ZNF804A: variants seen among roughly 807,000 people sequenced by gnomAD.
ZNF804A encodes zinc finger protein 804A.
Under a neutral mutation model 16.5 loss-of-function variants are expected in ZNF804A, and 2 were observed. The observed-to-expected ratio is 0.12, with a 90% CI of 0.05 to 0.38. The LOEUF (loss-of-function observed/expected upper bound fraction) is 0.38. ZNF804A is among the 10% of genes least tolerant of loss of function. ZNF804A has a pLI of 0.99. For missense variants in ZNF804A, 1,473 were observed against 1,390.7 expected (o/e 1.06, Z -0.94); for synonymous variants, 534 against 489.6 (o/e 1.09, Z -1.20).
intron 1 of ZNF804A, among the ~76,000 whole-genome samples, chr2:184,862,814 G>A (rs1695819850): frequency 6.6e-6 from 1 of 151,982 alleles, no homozygotes; most frequent in Admixed American, 6.6e-5. Context: ...ATTTTGTTTT[G>A]AACAACCTAT....
intron 1 of ZNF804A, among the ~76,000 whole-genome samples, chr2:184,643,846 T>A (rs916237682): frequency 6.6e-6 from 1 of 151,588 alleles, no homozygotes; most frequent in African/African-American, 2.4e-5. Flanking sequence ...AAAAAGGCAT[T>A]GGAAAACCGA....
chr2:184,904,564 T>G (rs1044818238), intron 2 of ZNF804A, among the ~76,000 whole-genome samples: 2 of 152,096 alleles, frequency 1.3e-5, no homozygotes, highest in African/African-American at 4.8e-5. Flanking sequence ...TCTACTTCTT[T>G]GGGTAAATGA....
chr2:184,855,139 A>G (rs1695667024), intron 1 of ZNF804A, among the ~76,000 whole-genome samples: 1 of 152,062 alleles, frequency 6.6e-6, no homozygotes, highest in South Asian at 2.1e-4. Flanking sequence ...GACTACAACC[A>G]ATAAGACAGC....
chr2:184,815,710 T>G (rs1037890847), intron 1 of ZNF804A, among the ~76,000 whole-genome samples: 1 of 151,986 alleles, frequency 6.6e-6, no homozygotes, highest in African/African-American at 2.4e-5. Flanking sequence ...TGGATAGAAT[T>G]CATAAGGGGT....
intron 1 of ZNF804A, among the ~76,000 whole-genome samples, chr2:184,657,918 A>G (rs1339299413): frequency 6.6e-6 from 1 of 152,234 alleles, no homozygotes; most frequent in African/African-American, 2.4e-5. Context: ...TAGGAAAGCA[A>G]TGGAACAACA....
At position 184,699,120 on chromosome 2, in the gene ZNF804A, A is replaced by C. The variant is rs1230573448; in HGVS notation, c.111+100050A>C. On this transcript the variant is annotated intron_variant, in intron 1 of 3. Coordinates refer to ENST00000302277, the MANE Select transcript of ZNF804A (RefSeq NM_194250.2). ...GCAGGAATGGATAATGATTAGGAAA[A>C]CATCTGTGTCCACTACACAATGCTA... Among the ~76,000 whole-genome samples, 5 of 152,068 alleles carry C rather than the reference A, an allele frequency of 3.3e-5. No individual in the cohort carries two copies. The East Asian group carries it at 9.6e-4, about 29-fold the overall frequency.
At chr2:184,714,262 C>T (rs1319837223) in intron 1 of ZNF804A, among the ~76,000 whole-genome samples, 1 of 151,996 alleles carries the variant, frequency 6.6e-6, no homozygotes, top group African/African-American at 2.4e-5. Flanking sequence ...ATCTTACTCC[C>T]TCTGACAATC....
intron 2 of ZNF804A, among the ~76,000 whole-genome samples, chr2:184,870,325 T>G (rs1326647821): frequency 6.6e-6 from 1 of 152,032 alleles, no homozygotes; most frequent in African/African-American, 2.4e-5. Context: ...CAAGGGGTGA[T>G]GTAGGGTGAT....
At chr2:184,872,316 A>G (rs1223295390) in intron 2 of ZNF804A, among the ~76,000 whole-genome samples, 1 of 152,130 alleles carries the variant, frequency 6.6e-6, no homozygotes, top group East Asian at 1.9e-4. Flanking sequence ...TATTCTTTGA[A>G]CAGTATACTG....
rs367882594 is a variant in ZNF804A at position 184,915,263 on chromosome 2, A to C, written c.256-18340A>C. On this transcript the variant is annotated intron_variant, in intron 2 of 3. Transcript: ENST00000302277. ...CAGATACTTTTATTACATTGTAAAA[A>C]TATTTGCATTTAAAAAATAACATTT... 2.4e-4 allele frequency among the ~76,000 whole-genome samples: 37 copies of C among 152,200 alleles called. 1 individual carries two copies. In the East Asian group the frequency reaches 4.2e-3, roughly 17 times the overall value.
intron 1 of ZNF804A, among the ~76,000 whole-genome samples, chr2:184,635,493 TG>T (rs951505954): frequency 1.3e-4 from 20 of 152,270 alleles, no homozygotes; most frequent in African/African-American, 4.8e-4. Flanking sequence ...TATATTTATA[TG>T]GCAAAAGTAT....
Position 184,937,937 on chromosome 2 carries a change from G to A in ZNF804A, c.2541G>A (p.Arg847=), listed in dbSNP as rs763306812. ...KDNSSLNPLD[R]LISEDKKEKM... ...ATTCTTCCTTAAATCCTCTGGATAGGTTAATAAGTGAAGACAAAAAAGAGA... is the reference window on the plus strand; with the variant it reads ...ATTCTTCCTTAAATCCTCTGGATAGATTAATAAGTGAAGACAAAAAAGAGA... Residue 847 remains arginine, a synonymous_variant, in exon 4 of 4, where the codon AGG becomes AGA. Coordinates refer to ENST00000302277, the MANE Select transcript of ZNF804A (RefSeq NM_194250.2). 1.9e-6 allele frequency: 3 copies of A among 1,613,890 alleles called. No homozygotes were observed. Among genetic ancestry groups the A allele is most frequent in the Non-Finnish European group, 2.5e-6 (3 of 1,179,970 alleles).
chr2:184,690,734 T>C (rs1437312504), intron 1 of ZNF804A, among the ~76,000 whole-genome samples: 2 of 152,052 alleles, frequency 1.3e-5, no homozygotes, highest in Non-Finnish European at 2.9e-5. Flanking sequence ...TTGATCGTAA[T>C]GTTTTCACCA....
chr2:184,908,388 G>C (rs1198459820), intron 2 of ZNF804A, among the ~76,000 whole-genome samples: 2 of 151,996 alleles, frequency 1.3e-5, no homozygotes, highest in African/African-American at 4.8e-5. Flanking sequence ...TGATTATAAG[G>C]ACCCTTTGAT....
At position 184,699,001 on chromosome 2, in the gene ZNF804A, G is replaced by C. The variant is rs557694818; in HGVS notation, c.111+99931G>C. Among the ~76,000 whole-genome samples, 199 of 152,116 alleles carry C rather than the reference G, an allele frequency of 1.3e-3. 2 individuals are homozygous for C. The highest frequency in any genetic ancestry group is 4.3e-3 in the African/African-American group (180 of 41,522). On this transcript the variant is annotated intron_variant, in intron 1 of 3. Coordinates refer to ENST00000302277, the MANE Select transcript of ZNF804A (RefSeq NM_194250.2). The stretch of plus-strand genomic sequence containing the variant: ...CCAACCGTGCCCACTCATGAGACTT[G>C]GTGTTGGTTCACTTTATCATGAAGT...
intron 1 of ZNF804A, among the ~76,000 whole-genome samples, chr2:184,736,526 T>G (rs113791538): frequency 0.041 from 6,239 of 151,224 alleles, 420 homozygotes; most frequent in African/African-American, 0.14. Context: ...CACATGGGAG[T>G]TCAACGATGG....
Position 184,855,731 on chromosome 2 carries a change from C to T in ZNF804A, c.112-10638C>T, listed in dbSNP as rs562946418. On this transcript the variant is annotated intron_variant, in intron 1 of 3. Coordinates refer to ENST00000302277, the MANE Select transcript of ZNF804A (RefSeq NM_194250.2). ...TTCAGGAGGAGTGTATCATGATGGA[C>T]GCCATATATTCTGTTTTCAGTGAGT... Among the ~76,000 whole-genome samples, 28 of 151,816 alleles carry T rather than the reference C, an allele frequency of 1.8e-4. No individual in the cohort carries two copies. In the South Asian group the frequency reaches 2.9e-3, roughly 16 times the overall value.
intron 1 of ZNF804A, among the ~76,000 whole-genome samples, chr2:184,836,090 G>T (rs1162808954): frequency 6.6e-6 from 1 of 152,082 alleles, no homozygotes; most frequent in African/African-American, 2.4e-5. Flanking sequence ...ATCTATAAAT[G>T]AGAATTAATA....
intron 2 of ZNF804A, among the ~76,000 whole-genome samples, chr2:184,890,371 G>A (rs1458113510): frequency 1.3e-5 from 2 of 152,112 alleles, no homozygotes; most frequent in African/African-American, 4.8e-5. Context: ...AGTCCTTAAG[G>A]AAAGCTATCA....
Sources: gnomAD v4.1 joint callset for allele counts (sites outside exome capture counted in the v4.1 genomes callset) on GRCh38, gnomAD v4.1.1 for gene constraint, MANE v1.5 for transcripts, NCBI Gene and HGNC (gene_info 2026-07-23, HGNC 2026-07-21) for gene names.